Variants in VPS13D observed in about 807,000 individuals in gnomAD.
VPS13D encodes intermembrane lipid transfer protein VPS13D.
Under a neutral mutation model 461.9 loss-of-function variants are expected in VPS13D, and 187 were observed. That is an observed-to-expected ratio of 0.40 (90% CI 0.36 to 0.46). The LOEUF (loss-of-function observed/expected upper bound fraction) is 0.46. Ranked by LOEUF, VPS13D falls within the 20% of genes least tolerant of loss-of-function variation. The probability of loss-of-function intolerance (pLI) is 0.60; values close to 1 mark genes in which losing one functional copy is unlikely to be tolerated. For synonymous variants in VPS13D, 1,951 were observed against 1,986.3 expected, an observed-to-expected ratio of 0.98 and a Z score of 0.47; for missense variants, 4,711 against 5,364.9, an observed-to-expected ratio of 0.88 and a Z score of 3.81.
intron 55 of VPS13D, among the ~76,000 whole-genome samples, chr1:12,376,415 G>T (rs1288452622): frequency 5.3e-5 from 8 of 152,214 alleles, no homozygotes; most frequent in Non-Finnish European, 1.0e-4. Flanking sequence ...TACATAAAGT[G>T]GTCTGTAAAG....
chr1:12,454,273 C>G (rs75147197), intron 65 of VPS13D, among the ~76,000 whole-genome samples: 2 of 152,358 alleles, frequency 1.3e-5, no homozygotes, highest in Non-Finnish European at 2.9e-5. Flanking sequence ...TGTGGCCCTT[C>G]TCCTATACTG....
chr1:12,503,827 G>T (rs1646066414), intron 68 of VPS13D, among the ~76,000 whole-genome samples: 1 of 152,208 alleles, frequency 6.6e-6, no homozygotes, highest in Non-Finnish European at 1.5e-5. Context: ...TCTAAGGGCA[G>T]TGAAGACAGG....
Position 12,277,361 on chromosome 1 carries a change from T to C in VPS13D, c.3773T>C (p.Phe1258Ser), listed in dbSNP as rs1641644993. ...GATATTGGCTACTTTGAATCTGTGT[T>C]TGTCAGAATGGAAGATGCAGCCCTC... ...ISDIGYFESVFVRMEDAALTE... is the reference protein window; with the variant it reads ...ISDIGYFESVSVRMEDAALTE... The change falls in exon 19 of 70, where the codon TTT (phenylalanine) becomes TCT (serine). Residue 1258 changes from phenylalanine to serine, a missense_variant. Around this residue, in one of 3 missense-constraint regions of VPS13D, gnomAD observed 4,411 missense variants for 4,937.8 expected, o/e 0.89. Coordinates refer to ENST00000620676, the MANE Select transcript of VPS13D (RefSeq NM_015378.4). The C allele has an allele frequency of 6.2e-7, 1 of 1,614,096 alleles. No individual in the cohort carries two copies. The highest frequency in any genetic ancestry group is 1.1e-5 in the South Asian group (1 of 91,092).
intron 50 of VPS13D, among the ~76,000 whole-genome samples, chr1:12,358,961 A>G (rs2101607970): frequency 6.6e-6 from 1 of 152,276 alleles, no homozygotes; most frequent in East Asian, 1.9e-4. Flanking sequence ...TAAAATTTGC[A>G]AGCCCTAAGA....
At position 12,277,693 on chromosome 1, in the gene VPS13D, C is replaced by A; in HGVS notation, c.4105C>A (p.His1369Asn). Residue 1369 changes from histidine (H) to asparagine (N), a missense_variant, in exon 19 of 70, where the codon CAT (histidine) becomes AAT (asparagine). By Grantham distance (68) the His-to-Asn change is moderately conservative. Around this residue, in one of 3 missense-constraint regions of VPS13D, gnomAD observed 4,411 missense variants for 4,937.8 expected, o/e 0.89. Coordinates refer to ENST00000620676, the MANE Select transcript of VPS13D (RefSeq NM_015378.4). ...EIYGFDLASS[H>N]LDTVKLILNI... ...ATATGGGTTTGACCTAGCTTCGTCT[C>A]ATTTGGACACTGTAAAGCTAATCTT... is the stretch of plus-strand genomic sequence containing the variant. 6.2e-7 allele frequency: 1 copy of A among 1,614,184 alleles called. No individual in the cohort carries two copies. Among genetic ancestry groups the A allele is most frequent in the South Asian group, 1.1e-5 (1 of 91,074 alleles).
At chr1:12,323,044 A>T (rs898820796) in intron 34 of VPS13D, among the ~76,000 whole-genome samples, 3 of 152,094 alleles carry the variant, frequency 2.0e-5, no homozygotes, top group African/African-American at 7.2e-5. Flanking sequence ...AGTAACACTA[A>T]GTTTTATTTT....
chr1:12,434,604 C>A (rs771717254), intron 65 of VPS13D, among the ~76,000 whole-genome samples: 7 of 152,034 alleles, frequency 4.6e-5, no homozygotes, highest in Non-Finnish European at 1.0e-4. Context: ...CCCCCCACCC[C>A]CAGTAAGCAG....
At chr1:12,335,961 C>G in intron 39 of VPS13D, 134 bp downstream of exon 39, 24 of 1,318,130 alleles carry the variant, frequency 1.8e-5, no homozygotes, top group Non-Finnish European at 2.2e-5. Flanking sequence ...TTCTGTAGTT[C>G]TGTTTTAGTC....
intron 52 of VPS13D, among the ~76,000 whole-genome samples, chr1:12,366,967 A>C (rs574021290): frequency 6.6e-6 from 1 of 152,348 alleles, no homozygotes; most frequent in Non-Finnish European, 1.5e-5. Flanking sequence ...ATTGTCACAT[A>C]CTGATGAAAT....
At chr1:12,478,764 G>A in intron 67 of VPS13D, 2 of 456,078 alleles carry the variant, frequency 4.4e-6, no homozygotes, top group Non-Finnish European at 4.4e-6. Context: ...GGACACCTTA[G>A]TGCTTTCTTC....
intron 35 of VPS13D, 116 bp from the exon 36 acceptor site, chr1:12,327,532 G>T (rs1643223046): frequency 1.3e-6 from 1 of 752,252 alleles, no homozygotes; most frequent in Admixed American, 2.8e-5. Context: ...CTGGGATCAA[G>T]GCTCTCTTGG....
At chr1:12,234,029 C>T (rs1188894278) in intron 1 of VPS13D, among the ~76,000 whole-genome samples, 162 bp from the exon 2 acceptor site, 1 of 152,134 alleles carries the variant, frequency 6.6e-6, no homozygotes, top group Non-Finnish European at 1.5e-5. Flanking sequence ...GCCTGGGTGA[C>T]GAGAGCGAAA....
intron 64 of VPS13D, among the ~76,000 whole-genome samples, chr1:12,415,825 C>T (rs76258242): frequency 0.034 from 5,108 of 152,186 alleles, 111 homozygotes; most frequent in East Asian, 0.074. Context: ...TTCCACCTAA[C>T]TAAGGAAAGT....
intron 65 of VPS13D, among the ~76,000 whole-genome samples, chr1:12,433,949 A>AGAGAGAGAGAGAGAGAGAGAGAGAGTGT (rs1553121770): frequency 6.1e-4 from 89 of 144,942 alleles, no homozygotes; most frequent in African/African-American, 2.2e-3. Flanking sequence ...AGAGAGAGAG[A>AGAGAGAGAGAGAGAGAGAGAGAGAGTGT]GTGTGTGTGT....
chr1:12,448,218 C>T (rs1279050548), intron 65 of VPS13D, among the ~76,000 whole-genome samples: 3 of 152,084 alleles, frequency 2.0e-5, no homozygotes, highest in East Asian at 3.9e-4. Context: ...CTTTTGAGAG[C>T]CTGTGTGTTT....
At chr1:12,266,823 CA>C in intron 13 of VPS13D, 57 bp from the exon 14 acceptor site, 7 of 1,360,728 alleles carry the variant, frequency 5.1e-6, no homozygotes, top group Non-Finnish European at 6.8e-6. Context: ...CTAATATTTT[CA>C]AAAACACATT....
chr1:12,331,844 T>C (rs1406122203), intron 37 of VPS13D, among the ~76,000 whole-genome samples: 1 of 152,168 alleles, frequency 6.6e-6, no homozygotes, highest in Non-Finnish European at 1.5e-5. Context: ...TTTAAAGTTG[T>C]ATGAACACAT....
chr1:12,310,772 C>T (rs1239663014), intron 27 of VPS13D, among the ~76,000 whole-genome samples: 1 of 146,604 alleles, frequency 6.8e-6, no homozygotes, highest in East Asian at 2.0e-4. Context: ...TTTCTTGCTC[C>T]TTCCTTCCTT....
intron 65 of VPS13D, among the ~76,000 whole-genome samples, chr1:12,424,065 A>G (rs1041947288): frequency 3.9e-5 from 6 of 152,294 alleles, no homozygotes; most frequent in African/African-American, 1.4e-4. Context: ...CCATGTACCT[A>G]TAAGCAAGTA....
Sources: allele counts gnomAD v4.1 joint callset (sites outside exome capture counted in the v4.1 genomes callset), GRCh38; gene constraint gnomAD v4.1.1; regional missense constraint gnomAD v4.1.1; transcripts MANE v1.5; gene names NCBI Gene and HGNC (gene_info 2026-07-23, HGNC 2026-07-21).